CHD7: variants seen among roughly 807,000 people sequenced by gnomAD.
The protein encoded by CHD7 is ATP-dependent chromatin remodeler CHD7.
CHD7 carries 24 observed loss-of-function variants against 307.3 expected under a neutral mutation model. The ratio of observed to expected loss-of-function variants is 0.08; its 90% CI spans 0.06 to 0.11. The LOEUF (loss-of-function observed/expected upper bound fraction) is 0.11, where lower values mean the gene tolerates loss of function less well. Among genes scored for constraint, CHD7 ranks in the 10% least tolerant of loss-of-function variants. CHD7 has a pLI of 1.00. For missense variants in CHD7, 3,106 were observed against 3,727.1 expected, an observed-to-expected ratio of 0.83 and a Z score of 4.34; for synonymous variants, 1,363 against 1,349.9, an observed-to-expected ratio of 1.01 and a Z score of -0.21.
At chr8:60,838,549 G>T (rs773580592) in intron 19 of CHD7, among the ~76,000 whole-genome samples, 2 of 152,112 alleles carry the variant, frequency 1.3e-5, no homozygotes, top group Non-Finnish European at 2.9e-5. Flanking sequence ...ATCCTGCTCC[G>T]TTGGCATCTT....
chr8:60,861,092 T>C lies in CHD7; in HGVS notation c.7797T>C (p.Pro2599=), dbSNP rs745921099. Residue 2599 remains proline, a synonymous_variant, in exon 35 of 38, where the codon CCT becomes CCC. Transcript: ENST00000423902. ...KDLVEWLKLH[P]TYTVDMPSYV... is the part of the protein sequence containing the mutation. ...TAGTTGAATGGCTGAAGCTGCACCCTACTTACACTGTTGATATGCCAAGTT... is the reference window on the plus strand; with the variant it reads ...TAGTTGAATGGCTGAAGCTGCACCCCACTTACACTGTTGATATGCCAAGTT... 3 of 1,605,814 alleles carry C rather than the reference T, an allele frequency of 1.9e-6. No homozygotes were observed. In the African/African-American group the frequency reaches 4.0e-5, roughly 21 times the overall value.
chr8:60,841,730 G>A lies in CHD7; in HGVS notation c.4620G>A (p.Leu1540=), dbSNP rs1335986077. 6.2e-7 allele frequency: 1 copy of A among 1,607,726 alleles called. No homozygotes were observed. The highest frequency in any genetic ancestry group is 1.1e-5 in the South Asian group (1 of 90,988). The part of the protein sequence containing the change: ...FWQKWAKKAE[L]DIDALNGRNN... ...AAAAGTGGGCTAAGAAGGCTGAATT[G>A]GATATTGATGCCTTAAATGGGAGGG... The change falls in exon 20 of 38, where the codon TTG becomes TTA. Residue 1540 remains leucine (L), a synonymous_variant. Coordinates refer to ENST00000423902, the MANE Select transcript of CHD7 (RefSeq NM_017780.4).
At chr8:60,679,406 C>T (rs1186885703) in intron 1 of CHD7, among the ~76,000 whole-genome samples, 2 of 111,148 alleles carry the variant, frequency 1.8e-5, no homozygotes, top group African/African-American at 3.3e-5. Context: ...CACTTCCTCG[C>T]ATGTAAATGG....
chr8:60,779,578 G>A (rs921644992), intron 2 of CHD7, among the ~76,000 whole-genome samples: 4 of 152,282 alleles, frequency 2.6e-5, no homozygotes, highest in East Asian at 1.9e-4. Context: ...TTGGTGCATG[G>A]CATCAAATAG....
At chr8:60,838,820 C>T (rs1804848628) in intron 19 of CHD7, among the ~76,000 whole-genome samples, 1 of 152,228 alleles carries the variant, frequency 6.6e-6, no homozygotes, top group South Asian at 2.1e-4. Context: ...CCACTGAGTA[C>T]ACCAGATGGT....
chr8:60,831,329 G>A (rs903241777), intron 15 of CHD7, among the ~76,000 whole-genome samples: 1 of 152,078 alleles, frequency 6.6e-6, no homozygotes, highest in African/African-American at 2.4e-5. Flanking sequence ...GTCTGCAGGG[G>A]TAGAAAGGAT....
At chr8:60,854,586 T>C in intron 32 of CHD7, 63 bp downstream of exon 32, 1 of 1,384,140 alleles carries the variant, frequency 7.2e-7, no homozygotes, top group South Asian at 1.7e-5. Context: ...AGGAAATCTT[T>C]CTAGCTTGAT....
At position 60,695,558 on chromosome 8, in the gene CHD7, T is replaced by C. The variant is rs550869633; in HGVS notation, c.-175+16476T>C. On this transcript the variant is annotated intron_variant, in intron 1 of 37. Transcript: ENST00000423902. ...GTGTGTGTTGTAGCGTTGGGAAGCA[T>C]TGTCTCATGTTTGATGCTTTAGCAA... Among the ~76,000 whole-genome samples, 3 of 152,314 alleles carry C rather than the reference T, an allele frequency of 2.0e-5. No individual in the cohort carries two copies. The East Asian group carries it at 5.8e-4, about 29-fold the overall frequency.
intron 1 of CHD7, among the ~76,000 whole-genome samples, chr8:60,725,319 T>A (rs1410596697): frequency 3.3e-5 from 5 of 152,180 alleles, no homozygotes; most frequent in African/African-American, 1.2e-4. Flanking sequence ...AAGATGAAAT[T>A]TCTTGTGGTT....
intron 2 of CHD7, among the ~76,000 whole-genome samples, chr8:60,747,789 G>A (rs1183253410): frequency 1.3e-5 from 2 of 152,192 alleles, no homozygotes; most frequent in Non-Finnish European, 2.9e-5. Context: ...ACCGCTTAAC[G>A]TCACCACCTG....
Position 60,853,329 on chromosome 8 carries a change from G to C in CHD7, c.6604G>C (p.Glu2202Gln). 1 of 1,598,288 alleles carries C rather than the reference G, an allele frequency of 6.3e-7. No homozygotes were observed. Among genetic ancestry groups the C allele is most frequent in the Non-Finnish European group, 8.5e-7 (1 of 1,171,544 alleles). ...EEEETDGSGK[E>Q]SKQECEAEAS... ...AGAAGAAACCGATGGCAGCGGGAAG[G>C]AGAGCAAGCAGGAATGTGAGGCAGA... Residue 2202 changes from glutamate to glutamine, a missense_variant, in exon 31 of 38, where the codon GAG (glutamate) becomes CAG (glutamine). Glu to Gln is a conservative substitution (Grantham distance 29). Around this residue, in one of 10 missense-constraint regions of CHD7, gnomAD observed 1,030 missense variants for 1,165.4 expected, o/e 0.88. Transcript: ENST00000423902.
At chr8:60,788,169 G>A (rs991169113) in intron 3 of CHD7, among the ~76,000 whole-genome samples, 1 of 151,730 alleles carries the variant, frequency 6.6e-6, no homozygotes, top group Non-Finnish European at 1.5e-5. Flanking sequence ...TGTCGTGTAG[G>A]CCAAAGTGCA....
intron 1 of CHD7, among the ~76,000 whole-genome samples, chr8:60,735,292 G>A (rs1052986911): frequency 3.3e-5 from 5 of 152,168 alleles, no homozygotes; most frequent in African/African-American, 4.8e-5. Context: ...CTAACATAAG[G>A]CGTAGCGTTG....
rs564283944 is a variant in CHD7 at position 60,800,645 on chromosome 8, A to T, written c.2376+120A>T. 5 of 915,112 alleles carry T rather than the reference A, an allele frequency of 5.5e-6. No homozygotes were observed. In the Admixed American group the frequency reaches 1.4e-4, roughly 26 times the overall value. 56.7% of individuals were successfully genotyped at this position (915,112 alleles called of 1,614,324 possible). ...CTTTCAGCAGGGGAACATCCACCTA[A>T]TGTTGGATAATGTGCTATGGGAAAT... On this transcript the variant is annotated intron_variant, in intron 5 of 37. Coordinates refer to ENST00000423902, the MANE Select transcript of CHD7 (RefSeq NM_017780.4).
At chr8:60,699,686 A>C (rs371630775) in intron 1 of CHD7, among the ~76,000 whole-genome samples, 2 of 150,888 alleles carry the variant, frequency 1.3e-5, no homozygotes, top group East Asian at 3.8e-4. Flanking sequence ...AAATAGGGCA[A>C]GACCTTAAGG....
At chr8:60,761,478 A>C (rs1204904340) in intron 2 of CHD7, among the ~76,000 whole-genome samples, 1 of 152,030 alleles carries the variant, frequency 6.6e-6, no homozygotes, top group East Asian at 1.9e-4. Flanking sequence ...TGTACCCTAA[A>C]ACTTAAAGTA....
chr8:60,778,326 C>T (rs193177215), intron 2 of CHD7, among the ~76,000 whole-genome samples: 15 of 152,316 alleles, frequency 9.8e-5, no homozygotes, highest in Admixed American at 9.2e-4. Flanking sequence ...CATAATTCTG[C>T]TGCATATCAA....
rs557837269 is a variant in CHD7 at position 60,844,951 on chromosome 8, C to T, written c.4938C>T (p.Ile1646=). 2 of 1,613,962 alleles carry T rather than the reference C, an allele frequency of 1.2e-6. No individual in the cohort carries two copies. Among genetic ancestry groups the T allele is most frequent in the Admixed American group, 3.3e-5 (2 of 60,024 alleles). The change falls in exon 22 of 38, where the codon ATC becomes ATT. Residue 1646 remains isoleucine, a synonymous_variant. Coordinates refer to ENST00000423902, the MANE Select transcript of CHD7 (RefSeq NM_017780.4). Reference sequence around the variant, plus strand: ...ATGTAGAAACCATCTGCAGAACCATCCTGGTGTACTGTCTTAATCATTACA... The same window carrying T: ...ATGTAGAAACCATCTGCAGAACCATTCTGGTGTACTGTCTTAATCATTACA... The part of the protein sequence containing the change: ...EQDVETICRT[I]LVYCLNHYKG...
chr8:60,864,281 G>A (rs113791299), intron 37 of CHD7: 7,643 of 149,082 alleles, frequency 0.051, 271 homozygotes, highest in Non-Finnish European at 0.081. Flanking sequence ...CACCACACCT[G>A]GATATTTTTT....
Sources: allele counts gnomAD v4.1 joint callset (sites outside exome capture counted in the v4.1 genomes callset), GRCh38; gene constraint gnomAD v4.1.1; regional missense constraint gnomAD v4.1.1; transcripts MANE v1.5; gene names NCBI Gene and HGNC (gene_info 2026-07-23, HGNC 2026-07-21).